ENPP1: variants seen among roughly 807,000 people sequenced by gnomAD.
ENPP1 encodes the protein ectonucleotide pyrophosphatase/phosphodiesterase 1, also known as ectonucleotide pyrophosphatase/phosphodiesterase family member 1.
In ENPP1, 73 loss-of-function variants were observed where a neutral mutation model predicts 122.8. That is an observed-to-expected ratio of 0.59 (90% confidence interval 0.49 to 0.72). The LOEUF (loss-of-function observed/expected upper bound fraction) is 0.72. Among genes scored for constraint, ENPP1 ranks in the 30% least tolerant of loss-of-function variants. ENPP1 has a pLI of 0.00. For missense variants in ENPP1, 978 were observed against 1,128.1 expected (o/e 0.87, Z 1.91); for synonymous variants, 367 against 391.6 (o/e 0.94, Z 0.74).
At chr6:131,819,018 G>A (rs1417154448) in intron 1 of ENPP1, among the ~76,000 whole-genome samples, 1 of 152,156 alleles carries the variant, frequency 6.6e-6, no homozygotes, top group African/African-American at 2.4e-5. Flanking sequence ...TGAAAAACTT[G>A]TATTTGCCAT....
chr6:131,818,580 G>C (rs1004753241), intron 1 of ENPP1, among the ~76,000 whole-genome samples: 1 of 151,758 alleles, frequency 6.6e-6, no homozygotes, highest in African/African-American at 2.4e-5. Context: ...CCCAGGAGGC[G>C]GAGGTTGCAG....
In ENPP1 at chr6:131,831,837, C is replaced by G. The variant is rs568741667; in HGVS notation, c.241-15939C>G. Among the ~76,000 whole-genome samples the G allele has an allele frequency of 2.4e-4, 36 of 152,172 alleles. No individual in the cohort carries two copies. The East Asian group carries it at 5.4e-3, about 23-fold the overall frequency. On this transcript the variant is annotated intron_variant, in intron 1 of 24. Coordinates refer to ENST00000647893, the MANE Select transcript of ENPP1 (RefSeq NM_006208.3). ...GCTGTAAAGATACTCTTTTTTGTCC[C>G]TTTCCATACTGTACCTTTGGTAGAG... is the stretch of plus-strand genomic sequence containing the variant.
rs1372632028 is a variant in ENPP1, at chr6:131,864,893, A to G, written c.1119A>G (p.Glu373=). The G allele has an allele frequency of 5.0e-6, 8 of 1,606,082 alleles. No individual in the cohort carries two copies. Among genetic ancestry groups the G allele is most frequent in the Non-Finnish European group, 6.8e-6 (8 of 1,172,926 alleles). ...ERPHFYTLYL[E]EPDSSGHSYG... is the part of the protein sequence containing the mutation. ...CACACTTTTACACTCTGTATTTAGA[A>G]GAACCAGATTCTTCAGGTCATTCAT... The change falls in exon 11 of 25, where the codon GAA becomes GAG. Residue 373 remains glutamate, a synonymous_variant. Coordinates refer to ENST00000647893, the MANE Select transcript of ENPP1 (RefSeq NM_006208.3).
At chr6:131,881,206 A>C (rs1782300690) in intron 20 of ENPP1, among the ~76,000 whole-genome samples, 1 of 152,212 alleles carries the variant, frequency 6.6e-6, no homozygotes, top group Non-Finnish European at 1.5e-5. Context: ...ATGTCTGTTT[A>C]TATATAATTT....
Position 131,890,361 on chromosome 6 carries a change from A to G in ENPP1, c.2628A>G (p.Ser876=), listed in dbSNP as rs1782451887. The G allele has an allele frequency of 1.2e-6, 2 of 1,613,930 alleles. No homozygotes were observed. Among genetic ancestry groups the G allele is most frequent in the Non-Finnish European group, 1.7e-6 (2 of 1,179,844 alleles). Residue 876 remains serine (S), a synonymous_variant, in exon 25 of 25, where the codon TCA becomes TCG. Transcript: ENST00000647893. The part of the protein sequence containing the change: ...ESCVHGKHDS[S]WVEELLMLHR... Reference sequence around the variant, plus strand: ...CCTAGCATGGGAAGCATGACTCCTCATGGGTTGAAGAATTGTTAATGTTAC... The same window carrying G: ...CCTAGCATGGGAAGCATGACTCCTCGTGGGTTGAAGAATTGTTAATGTTAC...
intron 1 of ENPP1, among the ~76,000 whole-genome samples, chr6:131,817,748 T>G (rs1432663536): frequency 6.8e-5 from 6 of 88,698 alleles, no homozygotes; most frequent in Admixed American, 5.7e-4. Flanking sequence ...TCTTTCTCTC[T>G]CTCCATACAC....
rs1481378734 is a variant in ENPP1 at position 131,851,154 on chromosome 6, C to G, written c.443C>G (p.Thr148Ser). The G allele has an allele frequency of 5.0e-6, 8 of 1,613,884 alleles. No homozygotes were observed. The highest frequency in any genetic ancestry group is 3.3e-5 in the Admixed American group (2 of 60,002). Residue 148 changes from threonine to serine, a missense_variant, in exon 4 of 25, where the codon ACT (threonine) becomes AGT (serine). Physicochemically the swap from Thr to Ser is moderately conservative, Grantham distance 58 (BLOSUM62 1). This residue lies in a region of ENPP1 where 330 missense variants were observed against 328.5 expected (regional missense o/e 1.00). Transcript: ENST00000647893. ...TGTTTGTTTCTAGAACATATATGGA[C>G]TTGCAACAAATTCAGGTGTGGTGAG... ...ETCIEPEHIW[T>S]CNKFRCGEKR...
At chr6:131,859,685 A>G (rs973247846) in intron 7 of ENPP1, among the ~76,000 whole-genome samples, 3 of 152,156 alleles carry the variant, frequency 2.0e-5, no homozygotes, top group African/African-American at 7.2e-5. Flanking sequence ...CCTTGCCTCT[A>G]GTGGACAAGG....
chr6:131,882,033 A>ATAAG (rs1782317006), intron 20 of ENPP1, among the ~76,000 whole-genome samples: 2 of 142,048 alleles, frequency 1.4e-5, no homozygotes, highest in East Asian at 3.9e-4. Context: ...AATAATAATA[A>ATAAG]TAAATAAATA....
At chr6:131,812,136 G>T (rs1256342522) in intron 1 of ENPP1, among the ~76,000 whole-genome samples, 1 of 152,152 alleles carries the variant, frequency 6.6e-6, no homozygotes, top group Non-Finnish European at 1.5e-5. Flanking sequence ...TGAGTTTTTT[G>T]TTATAGAATT....
At chr6:131,858,957 C>T (rs979691093) in intron 7 of ENPP1, among the ~76,000 whole-genome samples, 6 of 152,216 alleles carry the variant, frequency 3.9e-5, no homozygotes, top group African/African-American at 1.4e-4. Flanking sequence ...ATTTTCTCAT[C>T]TGTGAAAAGA....
chr6:131,836,179 C>T lies in ENPP1; in HGVS notation c.241-11597C>T, dbSNP rs994703010. 3.3e-5 allele frequency among the ~76,000 whole-genome samples: 5 copies of T among 151,494 alleles called. No individual in the cohort carries two copies. The South Asian group carries it at 1.0e-3, about 32-fold the overall frequency. On this transcript the variant is annotated intron_variant, in intron 1 of 24. Transcript: ENST00000647893. ...CCAGGCTGGAGTGCAATGGAGTGAT[C>T]TCAGTTTACTGCAACCTCTGCCTCC...
At chr6:131,845,451 G>GTTTTTTTTTTTTTTTTTTTATTTTT (rs34638422) in intron 1 of ENPP1, among the ~76,000 whole-genome samples, 1 of 133,094 alleles carries the variant, frequency 7.5e-6, no homozygotes, top group African/African-American at 2.7e-5. Flanking sequence ...GTTTTGGCTT[G>GTTTTTTTTTTTTTTTTTTTATTTTT]TTTTTTTTTT....
At chr6:131,849,900 A>T in intron 2 of ENPP1, 90 bp from the exon 3 acceptor site, 1 of 933,780 alleles carries the variant, frequency 1.1e-6, no homozygotes, top group Non-Finnish European at 1.8e-6. Context: ...ATTTGAACCT[A>T]GTGTACACCT....
chr6:131,816,531 A>G (rs998777151), intron 1 of ENPP1, among the ~76,000 whole-genome samples: 5 of 152,228 alleles, frequency 3.3e-5, no homozygotes, highest in African/African-American at 9.6e-5. Context: ...TAAGTTATGC[A>G]TTTACCAAGG....
chr6:131,817,357 T>G (rs1312891705), intron 1 of ENPP1, among the ~76,000 whole-genome samples: 1 of 152,196 alleles, frequency 6.6e-6, no homozygotes, highest in Non-Finnish European at 1.5e-5. Context: ...ATGCTAAAGC[T>G]TGCCTCTATA....
intron 7 of ENPP1, 28 bp downstream of exon 7, chr6:131,858,775 G>C: frequency 2.1e-6 from 3 of 1,426,472 alleles, no homozygotes; most frequent in Non-Finnish European, 3.0e-6. Flanking sequence ...ACTTCTATCT[G>C]TTTGAAGAAG....
chr6:131,859,964 T>A (rs541380431), intron 7 of ENPP1, among the ~76,000 whole-genome samples: 1 of 152,302 alleles, frequency 6.6e-6, no homozygotes, highest in African/African-American at 2.4e-5. Context: ...TTTGACCATA[T>A]AGCCTCCATG....
At chr6:131,871,769 G>A (rs781663955) in intron 13 of ENPP1, among the ~76,000 whole-genome samples, 3 of 152,142 alleles carry the variant, frequency 2.0e-5, no homozygotes, top group South Asian at 2.1e-4. Flanking sequence ...TTGGACAGGT[G>A]GATGGATAGT....
Sources: allele counts gnomAD v4.1 joint callset (sites outside exome capture counted in the v4.1 genomes callset), GRCh38; gene constraint gnomAD v4.1.1; regional missense constraint gnomAD v4.1.1; transcripts MANE v1.5; gene names NCBI Gene and HGNC (gene_info 2026-07-23, HGNC 2026-07-21).